The following SLC6A14 variants were observed in gnomAD, a reference collection of about 807,000 sequenced individuals.
The protein encoded by SLC6A14 is sodium- and chloride-dependent neutral and basic amino acid transporter B(0+).
In SLC6A14, 21 loss-of-function variants were observed where a neutral mutation model predicts 51.4. That is an observed-to-expected ratio of 0.41 (90% CI 0.29 to 0.59). SLC6A14 has a LOEUF of 0.59. SLC6A14 is among the 20% of genes least tolerant of loss of function. The pLI is 0.31. For synonymous variants in SLC6A14, 177 were observed against 160.7 expected (o/e 1.10, Z -0.77); for missense variants, 371 against 472.8 (o/e 0.78, Z 2.00).
At chrX:116,445,943 A>T (rs1352885311) in intron 6 of SLC6A14, among the ~76,000 whole-genome samples, 1 of 110,494 alleles carries the variant, frequency 9.1e-6, no homozygotes, top group Non-Finnish European at 1.9e-5. Context: ...TCCAGGGAAA[A>T]CTTTCCAAAA....
intron 7 of SLC6A14, among the ~76,000 whole-genome samples, chrX:116,449,589 T>C (rs1556694270): frequency 8.9e-6 from 1 of 112,359 alleles, no homozygotes; most frequent in Non-Finnish European, 1.9e-5. Context: ...TGAAAACTGA[T>C]TCTAAAGTTT....
chrX:116,458,912 A>C lies in SLC6A14; in HGVS notation c.1886A>C (p.Asp629Ala), dbSNP rs1556694966. The C allele has an allele frequency of 6.7e-6, 8 of 1,199,783 alleles. No homozygotes were observed. The highest frequency in any genetic ancestry group is 9.0e-6 in the Non-Finnish European group (8 of 889,559). The change falls in exon 14 of 14, where the codon GAC becomes GCC. Residue 629 changes from aspartate (D) to alanine (A), a missense_variant. Asp to Ala is a moderately radical substitution (Grantham distance 126). Transcript: ENST00000598581. The part of the protein sequence containing the change: ...KDMVDPKKEA[D>A]HEIPTVSGSR... ...ATGGTAGATCCTAAAAAAGAGGCTG[A>C]CCATGAAATACCTACTGTTAGTGGC... is the stretch of plus-strand genomic sequence containing the variant.
rs781844146 is a variant in SLC6A14 at position 116,439,477 on chromosome X, A to G, written c.215-1489A>G. Among the ~76,000 whole-genome samples, 194 of 111,553 alleles carry G rather than the reference A, an allele frequency of 1.7e-3. 1 individual carries two copies. The highest frequency in any genetic ancestry group is 6.1e-3 in the African/African-American group (187 of 30,861). On this transcript the variant is annotated intron_variant, in intron 2 of 13. Transcript: ENST00000598581. ...GTTTCTAAAATCTGGAAATATTTTT[A>G]TCTGTATATTCTTTTTAACAGTTTA...
chrX:116,443,687 A>T lies in SLC6A14; in HGVS notation c.553A>T (p.Ile185Phe). The change falls in exon 5 of 14, where the codon ATC becomes TTC. Residue 185 changes from isoleucine (I) to phenylalanine (F), a missense_variant. Around this residue, in one of 2 missense-constraint regions of SLC6A14, gnomAD observed 277 missense variants for 391.8 expected, o/e 0.71. Transcript: ENST00000598581. The part of the protein sequence containing the change: ...VSTVNKGIQE[I>F]IQMNKSWVDI... ...TACAGTGAATAAAGGAATACAAGAG[A>T]TCATCCAAATGAATAAAAGCTGGGT... The T allele has an allele frequency of 4.2e-6, 5 of 1,198,962 alleles. No homozygotes were observed. Among genetic ancestry groups the T allele is most frequent in the Non-Finnish European group, 5.6e-6 (5 of 885,432 alleles).
At chrX:116,453,764 A>G (rs1556694565) in intron 9 of SLC6A14, among the ~76,000 whole-genome samples, 1 of 111,596 alleles carries the variant, frequency 9.0e-6, no homozygotes, top group African/African-American at 3.2e-5. Context: ...ACATGACTAG[A>G]GAAATTCTGA....
At chrX:116,439,508 G>C (rs1927552221) in intron 2 of SLC6A14, among the ~76,000 whole-genome samples, 1 of 111,487 alleles carries the variant, frequency 9.0e-6, no homozygotes. Flanking sequence ...GTTTATTAAA[G>C]AGAAGTGTCA....
In SLC6A14 at chrX:116,451,459, C is replaced by A. The variant is rs1556694395; in HGVS notation, c.948C>A (p.Ala316=). The change falls in exon 8 of 14, where the codon GCC becomes GCA. Residue 316 remains alanine, a synonymous_variant. Transcript: ENST00000598581. The part of the protein sequence containing the change: ...LKEAEVWKDA[A]TQIFYSLSVA... ...TCTTATAGGTATGGAAAGATGCTGC[C>A]ACTCAGATATTTTACTCCCTTTCAG... The A allele has an allele frequency of 2.5e-6, 3 of 1,202,237 alleles. No individual in the cohort carries two copies. The highest frequency in any genetic ancestry group is 3.4e-6 in the Non-Finnish European group (3 of 888,926).
chrX:116,446,810 G>C lies in SLC6A14; in HGVS notation c.859G>C (p.Glu287Gln). The C allele has an allele frequency of 8.3e-7, 1 of 1,205,709 alleles. No homozygotes were observed. The highest frequency in any genetic ancestry group is 1.1e-6 in the Non-Finnish European group (1 of 890,483). ...LILLVRGATLEGASKGISYYI... is the reference protein window; with the variant it reads ...LILLVRGATLQGASKGISYYI... ...CCTGTTAGTACGAGGTGCAACTCTG[G>C]AGGGTGCTTCAAAAGGCATTTCATA... The change falls in exon 7 of 14, where the codon GAG (glutamate) becomes CAG (glutamine). Residue 287 changes from glutamate (E) to glutamine (Q), a missense_variant. Glu to Gln is a conservative substitution (Grantham distance 29). This residue lies in a region of SLC6A14 where 277 missense variants were observed against 391.8 expected (regional missense o/e 0.71). Coordinates refer to ENST00000598581, the MANE Select transcript of SLC6A14 (RefSeq NM_007231.5).
chrX:116,442,902 G>A, intron 4 of SLC6A14, 54 bp downstream of exon 4: 2 of 917,336 alleles, frequency 2.2e-6, no homozygotes, highest in South Asian at 5.1e-5. Flanking sequence ...TTATAAGCTT[G>A]AAGGGTCAAA....
chrX:116,446,343 A>G (rs1197793677), intron 6 of SLC6A14, among the ~76,000 whole-genome samples: 2 of 111,789 alleles, frequency 1.8e-5, no homozygotes, highest in Non-Finnish European at 3.8e-5. Flanking sequence ...TGAAGACTGA[A>G]TATATATTAA....
chrX:116,447,813 T>A (rs112521293), intron 7 of SLC6A14, among the ~76,000 whole-genome samples: 7 of 110,778 alleles, frequency 6.3e-5, no homozygotes, highest in African/African-American at 2.0e-4. Flanking sequence ...GCCAGCCTGG[T>A]CTCAAGCTCC....
chrX:116,442,061 A>C (rs1556693709), intron 3 of SLC6A14, among the ~76,000 whole-genome samples: 1 of 111,679 alleles, frequency 9.0e-6, no homozygotes, highest in East Asian at 2.8e-4. Context: ...TTAACAAGAA[A>C]AAGTAATAAA....
chrX:116,443,502 C>A, intron 4 of SLC6A14, 141 bp from the exon 5 acceptor site: 1 of 401,433 alleles, frequency 2.5e-6, no homozygotes. Flanking sequence ...TAGCTTATTC[C>A]ATCTGTAAGA....
intron 7 of SLC6A14, among the ~76,000 whole-genome samples, 162 bp downstream of exon 7, chrX:116,447,043 T>C (rs1242384288): frequency 1.8e-5 from 2 of 112,192 alleles, no homozygotes; most frequent in African/African-American, 6.5e-5. Flanking sequence ...ACTTAGCTAA[T>C]ATTTAACCTG....
At chrX:116,443,325 G>A (rs1927637050) in intron 4 of SLC6A14, among the ~76,000 whole-genome samples, 1 of 111,423 alleles carries the variant, frequency 9.0e-6, no homozygotes, top group Non-Finnish European at 1.9e-5. Flanking sequence ...ACATAGGTTG[G>A]ATAGGTAAAT....
intron 7 of SLC6A14, among the ~76,000 whole-genome samples, chrX:116,447,945 T>C (rs1927750586): frequency 9.0e-6 from 1 of 111,574 alleles, no homozygotes; most frequent in Non-Finnish European, 1.9e-5. Context: ...ACATTAAGCT[T>C]CTGTTCAACT....
At chrX:116,450,100 T>C (rs1927794011) in intron 7 of SLC6A14, among the ~76,000 whole-genome samples, 1 of 111,230 alleles carries the variant, frequency 9.0e-6, no homozygotes, top group African/African-American at 3.3e-5. Flanking sequence ...TTTTTAAAAG[T>C]AATAGAGATC....
In SLC6A14 at chrX:116,448,054, A is replaced by G. The variant is rs186423609; in HGVS notation, c.930+1173A>G. ...AAAATGGATATTAGTTTGCTATAGT[A>G]TTCTTCATGAAACTCATGCTAATTT... On this transcript the variant is annotated intron_variant, in intron 7 of 13. Transcript: ENST00000598581. 7.8e-4 allele frequency among the ~76,000 whole-genome samples: 88 copies of G among 112,506 alleles called. 2 individuals are homozygous for G. The East Asian group carries it at 0.023, about 30-fold the overall frequency.
At chrX:116,454,946 T>A in intron 10 of SLC6A14, 31 bp from the exon 11 acceptor site, 1 of 982,820 alleles carries the variant, frequency 1.0e-6, no homozygotes, top group Non-Finnish European at 1.4e-6. Flanking sequence ...AATTAAAATA[T>A]ACTTAGAAGT....
Sources: gnomAD v4.1 joint callset for allele counts (sites outside exome capture counted in the v4.1 genomes callset) on GRCh38, gnomAD v4.1.1 for gene constraint, gnomAD v4.1.1 regional missense constraint, MANE v1.5 for transcripts, NCBI Gene and HGNC (gene_info 2026-07-23, HGNC 2026-07-21) for gene names.